Variants in RSRP1 observed in about 807,000 individuals in gnomAD.
RSRP1 encodes arginine and serine rich protein 1, also known as arginine/serine-rich protein 1.
Under a neutral mutation model 33.0 loss-of-function variants are expected in RSRP1, and 37 were observed. That is an observed-to-expected ratio of 1.12 (90% CI 0.86 to 1.48). The LOEUF (loss-of-function observed/expected upper bound fraction) is 1.48, where lower values mean the gene tolerates loss of function less well. RSRP1 is among the 40% of genes most tolerant of loss of function. The pLI is 0.00. For synonymous variants in RSRP1, 167 were observed against 158.7 expected (o/e 1.05, Z -0.40); for missense variants, 402 against 385.3 (o/e 1.04, Z -0.36).
At chr1:25,246,155 G>T in intron 2 of RSRP1, 1 of 400,562 alleles carries the variant, frequency 2.5e-6, no homozygotes, top group Non-Finnish European at 4.5e-6. Flanking sequence ...CGTTAACTTA[G>T]AACCTTTAAC....
chr1:25,272,588 C>G (rs1450023857), intron 1 of RSRP1: 1 of 1,583,528 alleles, frequency 6.3e-7, no homozygotes, highest in African/African-American at 1.4e-5. Context: ...CGCTGCCTGC[C>G]CCTCTGGGCC....
At chr1:25,336,878 G>A (rs1468293572) in intron 1 of RSRP1, among the ~76,000 whole-genome samples, 1 of 151,698 alleles carries the variant, frequency 6.6e-6, no homozygotes, top group Non-Finnish European at 1.5e-5. Context: ...TCTACTAATC[G>A]GCTAATGCAC....
intron 1 of RSRP1, chr1:25,329,083 C>T (rs1485509739): frequency 7.7e-7 from 1 of 1,307,060 alleles, no homozygotes; most frequent in Non-Finnish European, 1.1e-6. Context: ...CTTTCTCTGC[C>T]ACTCTTTGAG....
intron 1 of RSRP1, among the ~76,000 whole-genome samples, chr1:25,285,047 C>T (rs1201301864): frequency 2.2e-5 from 3 of 134,302 alleles, no homozygotes; most frequent in African/African-American, 5.2e-5. Flanking sequence ...TGTAAAGTTA[C>T]ATAATCAATA....
chr1:25,252,597 G>C (rs951047150), intron 1 of RSRP1, among the ~76,000 whole-genome samples: 2 of 149,794 alleles, frequency 1.3e-5, no homozygotes, highest in Non-Finnish European at 3.0e-5. Context: ...GCAATGGCAC[G>C]ATCTCGGCTC....
At chr1:25,300,630 T>G (rs28572396) in intron 1 of RSRP1, among the ~76,000 whole-genome samples, 1,793 of 129,374 alleles carry the variant, frequency 0.014, 297 homozygotes, top group African/African-American at 0.043. Flanking sequence ...GCAAACACGG[T>G]GAAACCCCAT....
chr1:25,261,440 T>G (rs1371188056), intron 1 of RSRP1, among the ~76,000 whole-genome samples: 1 of 151,074 alleles, frequency 6.6e-6, no homozygotes, highest in East Asian at 1.9e-4. Flanking sequence ...AGTCTCACTC[T>G]GTCACCCAGG....
chr1:25,312,948 A>AAAAAAAAAAAAAAAAAAC (rs1557556998), intron 1 of RSRP1, among the ~76,000 whole-genome samples: 2 of 110,594 alleles, frequency 1.8e-5, no homozygotes, highest in Non-Finnish European at 2.2e-5. Flanking sequence ...AAAAAAAAAA[A>AAAAAAAAAAAAAAAAAAC]AAAAAAACTT....
At position 25,315,882 on chromosome 1, in the gene RSRP1, C is replaced by T. The variant is rs1385885311; in HGVS notation, c.-67+22096G>A. On this transcript the variant is annotated intron_variant, in intron 1 of 1. Transcript: ENST00000561867. ...TATGAGGTAGGGACTGTCATTATTT[C>T]TCCCACTTTATAATGAACAATCAGT... Among the ~76,000 whole-genome samples, 2 of 131,562 alleles carry T rather than the reference C, an allele frequency of 1.5e-5. 1 individual carries two copies. Among genetic ancestry groups the T allele is most frequent in the African/African-American group, 5.2e-5 (2 of 38,160 alleles). 86.3% of individuals were successfully genotyped at this position (131,562 alleles called of 152,430 possible).
At chr1:25,262,406 T>C (rs1179022119) in intron 1 of RSRP1, among the ~76,000 whole-genome samples, 2 of 152,112 alleles carry the variant, frequency 1.3e-5, no homozygotes, top group South Asian at 2.1e-4. Context: ...CAAACAGATA[T>C]AGGATGTAAT....
chr1:25,291,914 G>T lies in RSRP1; in HGVS notation c.-66-44885C>A, dbSNP rs1457870741. 6.0e-5 allele frequency among the ~76,000 whole-genome samples: 8 copies of T among 132,510 alleles called. 1 individual carries two copies. Among genetic ancestry groups the T allele is most frequent in the Admixed American group, 2.2e-4 (3 of 13,612 alleles). 86.9% of individuals were successfully genotyped at this position (132,510 alleles called of 152,430 possible). On this transcript the variant is annotated intron_variant, in intron 1 of 1. Transcript: ENST00000561867. ...TGATGCCTGGAGAGGGGAAGGGACT[G>T]CCCAAGATCACATAGCAAGATAGTG...
intron 1 of RSRP1, chr1:25,290,902 G>C (rs1642444988): frequency 9.0e-7 from 1 of 1,110,554 alleles, no homozygotes; most frequent in Admixed American, 1.9e-5. Context: ...CCAGCTACTT[G>C]GGAGGTTGAG....
intron 1 of RSRP1, among the ~76,000 whole-genome samples, chr1:25,305,673 T>C (rs1341449661): frequency 1.6e-5 from 2 of 128,834 alleles, no homozygotes; most frequent in East Asian, 2.0e-4. Flanking sequence ...CCATCTCAGC[T>C]TACTGCAAGC....
intron 1 of RSRP1, among the ~76,000 whole-genome samples, chr1:25,262,638 G>A (rs1164210127): frequency 2.0e-5 from 3 of 152,188 alleles, no homozygotes; most frequent in African/African-American, 4.8e-5. Context: ...CAAAGCCTCA[G>A]AATCAGGAAA....
intron 1 of RSRP1, among the ~76,000 whole-genome samples, chr1:25,333,445 T>G (rs1479016828): frequency 7.7e-6 from 1 of 129,306 alleles, no homozygotes; most frequent in Non-Finnish European, 1.8e-5. Flanking sequence ...AAGTGAGCCA[T>G]GTGGGTATGG....
intron 1 of RSRP1, among the ~76,000 whole-genome samples, chr1:25,258,648 A>G (rs953472818): frequency 6.6e-6 from 1 of 152,204 alleles, no homozygotes; most frequent in Admixed American, 6.5e-5. Context: ...AAAAATTTTT[A>G]TCTACTGAAT....
chr1:25,264,290 G>A lies in RSRP1; in HGVS notation c.-66-17261C>T, dbSNP rs1203020218. ...GCCCTGGCAGAGGATCTCCATGAGG[G>A]CCCTGCTCCTGCAGCAAACTTCTGA... On this transcript the variant is annotated intron_variant, in intron 1 of 1. Transcript: ENST00000561867. Among the ~76,000 whole-genome samples the A allele has an allele frequency of 1.3e-5, 2 of 151,962 alleles. 1 individual carries two copies. The highest frequency in any genetic ancestry group is 4.8e-5 in the African/African-American group (2 of 41,250).
chr1:25,295,862 T>C lies in RSRP1; in HGVS notation c.-67+42116A>G, dbSNP rs1399412533. Among the ~76,000 whole-genome samples the C allele has an allele frequency of 2.0e-4, 21 of 103,256 alleles. 3 individuals carry two copies. The highest frequency in any genetic ancestry group is 4.7e-4 in the Non-Finnish European group (20 of 42,892). The allele number at this position is 103,256 out of a possible 152,430, so 67.7% of individuals were successfully genotyped here. On this transcript the variant is annotated intron_variant, in intron 1 of 1. Coordinates refer to the RSRP1 transcript ENST00000561867. ...GGGAATATGGGAAATTTTTTTTTTTTTTTTTTTTTTTTTTTTTGAGATGGA... is the reference window on the plus strand; with the variant it reads ...GGGAATATGGGAAATTTTTTTTTTTCTTTTTTTTTTTTTTTTTGAGATGGA...
chr1:25,246,502 C>T lies in RSRP1; in HGVS notation c.462G>A (p.Trp154Ter), dbSNP rs200426170. 273 of 1,614,146 alleles carry T rather than the reference C, an allele frequency of 1.7e-4. No homozygotes were observed. Among genetic ancestry groups the T allele is most frequent in the Non-Finnish European group, 2.1e-4 (246 of 1,180,046 alleles). ...RTVYPEEHSR[W>*]RDRSRTRSRS... is the part of the protein sequence containing the mutation. The stretch of plus-strand genomic sequence containing the variant: ...GCGACCTCGTCCTGGATCTGTCCCT[C>T]CATCTGCTGTGCTCCTCCGGGTACA... The change falls in exon 2 of 5, where the codon TGG becomes TGA. Residue 154 changes from tryptophan (W) to a stop codon, truncating the protein, a stop_gained. Transcript: ENST00000243189. LOFTEE classifies it high-confidence loss of function.
Sources: allele counts gnomAD v4.1 joint callset (sites outside exome capture counted in the v4.1 genomes callset), GRCh38; gene constraint gnomAD v4.1.1; transcripts MANE v1.5; gene names NCBI Gene and HGNC (gene_info 2026-07-23, HGNC 2026-07-21).